The following GRM5 variants were observed in gnomAD, a reference collection of about 807,000 sequenced individuals.
GRM5 encodes metabotropic glutamate receptor 5.
GRM5 carries 19 observed loss-of-function variants against 83.1 expected under a neutral mutation model. That is an observed-to-expected ratio of 0.23 (90% CI 0.16 to 0.34). GRM5 has a LOEUF of 0.34. GRM5 is among the 10% of genes least tolerant of loss of function. The pLI, the probability that GRM5 is intolerant of heterozygous loss-of-function variation, is 1.00. For synonymous variants in GRM5, 675 were observed against 633.6 expected, an observed-to-expected ratio of 1.07 and a Z score of -0.98; for missense variants, 1,160 against 1,588.3, an observed-to-expected ratio of 0.73 and a Z score of 4.58.
intron 4 of GRM5, among the ~76,000 whole-genome samples, chr11:88,616,388 T>TG (rs1359496521): frequency 6.8e-5 from 5 of 73,828 alleles, no homozygotes; most frequent in Admixed American, 2.2e-4. Flanking sequence ...GGCTTTGGAG[T>TG]GTTTTTTTTT....
At chr11:88,772,914 G>C (rs1214388090) in intron 3 of GRM5, among the ~76,000 whole-genome samples, 2 of 152,126 alleles carry the variant, frequency 1.3e-5, no homozygotes, top group Non-Finnish European at 1.5e-5. Context: ...AAACATATGT[G>C]TGCATGTGTC....
intron 2 of GRM5, among the ~76,000 whole-genome samples, chr11:88,967,583 T>A (rs1939026255): frequency 6.6e-6 from 1 of 151,978 alleles, no homozygotes; most frequent in African/African-American, 2.4e-5. Flanking sequence ...ACTCCTGCAA[T>A]AACGGCATTA....
Position 88,567,175 on chromosome 11 carries a change from G to C in GRM5, c.2508C>G (p.Ala836=). Reference sequence around the variant, plus strand: ...TGCGCACCACGGTAGATGTGGTGAAGGCGCTGCGCACGTTTCTCTCTGGTT... The same window carrying C: ...TGCGCACCACGGTAGATGTGGTGAACGCGCTGCGCACGTTTCTCTCTGGTT... ...LAKPERNVRS[A]FTTSTVVRMH... Residue 836 remains alanine, a synonymous_variant, in exon 8 of 10, where the codon GCC becomes GCG. Transcript: ENST00000305447. The surrounding 1 kb of genome is among the most constrained non-coding windows in gnomAD (Gnocchi z 7.3). The C allele has an allele frequency of 1.2e-6, 2 of 1,614,008 alleles. No homozygotes were observed. The highest frequency in any genetic ancestry group is 1.7e-6 in the Non-Finnish European group (2 of 1,179,926).
intron 2 of GRM5, among the ~76,000 whole-genome samples, chr11:88,918,285 A>C (rs1198500559): frequency 6.6e-6 from 1 of 152,186 alleles, no homozygotes; most frequent in East Asian, 1.9e-4. Flanking sequence ...GCAGACATGA[A>C]GGAGAAATAA....
At chr11:88,663,073 C>T (rs974902778) in intron 3 of GRM5, among the ~76,000 whole-genome samples, 2 of 152,200 alleles carry the variant, frequency 1.3e-5, no homozygotes, top group Admixed American at 1.3e-4. Context: ...AGTTAATACT[C>T]ACTTCCCAAC....
At chr11:88,549,049 A>G (rs1010181949) in intron 8 of GRM5, among the ~76,000 whole-genome samples, 2 of 152,234 alleles carry the variant, frequency 1.3e-5, no homozygotes, top group African/African-American at 4.8e-5. Context: ...TCTAATGGAA[A>G]TAACAGTTGA....
At chr11:88,786,023 T>C (rs899267269) in intron 3 of GRM5, among the ~76,000 whole-genome samples, 1 of 152,140 alleles carries the variant, frequency 6.6e-6, no homozygotes, top group African/African-American at 2.4e-5. Context: ...AGGGGAAGCA[T>C]ACATTTTCTG....
rs564025501 is a variant in GRM5, at chr11:88,930,659, T to A, written c.662-80504A>T. Among the ~76,000 whole-genome samples the A allele has an allele frequency of 2.0e-3, 297 of 152,162 alleles. 1 individual carries two copies. Among genetic ancestry groups the A allele is most frequent in the African/African-American group, 6.6e-3 (276 of 41,546 alleles). On this transcript the variant is annotated intron_variant, in intron 2 of 9. Transcript: ENST00000305447. ...GCCTCCTGGGTTCAAGCAATTCTCC[T>A]GCCTCAGCTTCCTGAGTAGCTGGGA...
intron 1 of GRM5, among the ~76,000 whole-genome samples, chr11:89,050,990 C>T (rs552941155): frequency 2.6e-5 from 4 of 152,128 alleles, no homozygotes; most frequent in South Asian, 4.2e-4. Context: ...GAAAGATAAC[C>T]GGTGAATACT....
intron 3 of GRM5, among the ~76,000 whole-genome samples, chr11:88,710,438 C>A (rs1347827879): frequency 1.3e-5 from 2 of 152,120 alleles, no homozygotes; most frequent in African/African-American, 4.8e-5. Context: ...TGAATTCAAG[C>A]AGACCTGGGA....
chr11:88,715,919 A>G (rs1055318513), intron 3 of GRM5, among the ~76,000 whole-genome samples: 1 of 151,932 alleles, frequency 6.6e-6, no homozygotes, highest in South Asian at 2.1e-4. Context: ...GGGAATTTCT[A>G]TTTTTATCAA....
chr11:88,639,141 G>GT (rs1249453021), intron 4 of GRM5, among the ~76,000 whole-genome samples: 17 of 152,178 alleles, frequency 1.1e-4, no homozygotes, highest in Admixed American at 6.5e-4. Context: ...TGAACTACGT[G>GT]TTTTTTCCAT....
chr11:88,971,291 CTTTTA>C (rs1280441497), intron 2 of GRM5, among the ~76,000 whole-genome samples: 2 of 152,038 alleles, frequency 1.3e-5, no homozygotes, highest in African/African-American at 2.4e-5. Context: ...CTGTTTTTAA[CTTTTA>C]TTTTAGGTTC....
At chr11:88,547,832 C>G (rs565916307) in intron 8 of GRM5, among the ~76,000 whole-genome samples, 11 of 152,130 alleles carry the variant, frequency 7.2e-5, no homozygotes, top group Non-Finnish European at 1.5e-4. Context: ...TTTTATTTTA[C>G]AAGGCTATTG....
At position 88,613,767 on chromosome 11, in the gene GRM5, T is replaced by A. The variant is rs577352026; in HGVS notation, c.1148-8803A>T. ...CATTTTTAAAGGATCCAAGAACACT[T>A]CCTTCATGAAGACCACCATGATTGC... On this transcript the variant is annotated intron_variant, in intron 4 of 9. Coordinates refer to ENST00000305447, the MANE Select transcript of GRM5 (RefSeq NM_001143831.3). 7.2e-5 allele frequency among the ~76,000 whole-genome samples: 11 copies of A among 152,304 alleles called. No individual in the cohort carries two copies. In the East Asian group the frequency reaches 2.1e-3, roughly 29 times the overall value.
intron 3 of GRM5, among the ~76,000 whole-genome samples, chr11:88,754,279 T>C (rs887711415): frequency 1.3e-5 from 2 of 151,986 alleles, no homozygotes; most frequent in Non-Finnish European, 2.9e-5. Flanking sequence ...CTGGGTCCTG[T>C]CAGGGAATGC....
Position 88,967,217 on chromosome 11 carries a change from ATATGTG to A in GRM5, c.661+79989_661+79994del, listed in dbSNP as rs373611592. 2.2e-3 allele frequency among the ~76,000 whole-genome samples: 176 copies of A among 78,998 alleles called. 1 individual carries two copies. The highest frequency in any genetic ancestry group is 0.015 in the Middle Eastern group (2 of 130). 51.8% of individuals were successfully genotyped at this position (78,998 alleles called of 152,430 possible). ...TATATGTGTGTGTGTGTGTGTGTAT[ATATGTG>A]TGTGTATGTATATATATATATACAC... On this transcript the variant is annotated intron_variant, in intron 2 of 9. Coordinates refer to ENST00000305447, the MANE Select transcript of GRM5 (RefSeq NM_001143831.3).
intron 3 of GRM5, among the ~76,000 whole-genome samples, chr11:88,680,382 G>A (rs1002449315): frequency 6.6e-6 from 1 of 152,122 alleles, no homozygotes; most frequent in Non-Finnish European, 1.5e-5. Flanking sequence ...ATGGTTTCCA[G>A]CTTCATCCAT....
rs538387193 is a variant in GRM5, at chr11:88,505,498, C to T, written c.*3094G>A. 1.2e-4 allele frequency: 19 copies of T among 152,300 alleles called. No homozygotes were observed. Among genetic ancestry groups the T allele is most frequent in the African/African-American group, 4.3e-4 (18 of 41,568 alleles). The allele number at this position is 152,300 out of a possible 1,614,324, so 9.4% of individuals were successfully genotyped here. A position where few individuals can be genotyped will look rare whatever the true frequency, so the allele number is the denominator to read the frequency against. On this transcript the variant is annotated 3_prime_UTR_variant, in exon 10 of 10. Transcript: ENST00000305447. ...AGATAGTTACTTTCAAGGATTAGCACGTTTGGGGATTTGCTTTTTTTCCTT... is the reference window on the plus strand; with the variant it reads ...AGATAGTTACTTTCAAGGATTAGCATGTTTGGGGATTTGCTTTTTTTCCTT...
Sources: allele counts gnomAD v4.1 joint callset (sites outside exome capture counted in the v4.1 genomes callset), GRCh38; gene constraint gnomAD v4.1.1; non-coding constraint Gnocchi (gnomAD v3.1); transcripts MANE v1.5; gene names NCBI Gene and HGNC (gene_info 2026-07-23, HGNC 2026-07-21).